SACM1L: variants seen among roughly 807,000 people sequenced by gnomAD.
The protein encoded by SACM1L is phosphatidylinositol-3-phosphatase SAC1.
In SACM1L, 32 loss-of-function variants were observed where a neutral mutation model predicts 89.5. That is an observed-to-expected ratio of 0.36 (90% CI 0.27 to 0.48). The LOEUF is 0.48. SACM1L is among the 20% of genes least tolerant of loss of function. SACM1L has a pLI of 0.99. For synonymous variants in SACM1L, 213 were observed against 232.8 expected, an observed-to-expected ratio of 0.92 and a Z score of 0.77; for missense variants, 543 against 708.5, an observed-to-expected ratio of 0.77 and a Z score of 2.65.
At chr3:45,697,087 A>G (rs745832791) in intron 1 of SACM1L, among the ~76,000 whole-genome samples, 8 of 151,978 alleles carry the variant, frequency 5.3e-5, no homozygotes, top group South Asian at 2.1e-4. Flanking sequence ...AGGGATTTGT[A>G]TACCCCTGTT....
intron 11 of SACM1L, among the ~76,000 whole-genome samples, chr3:45,727,236 G>T (rs1486252842): frequency 1.3e-5 from 2 of 152,090 alleles, no homozygotes; most frequent in Non-Finnish European, 2.9e-5. Flanking sequence ...TTTGTCTCAG[G>T]TATTTTCTAA....
rs565931238 is a variant in SACM1L at position 45,698,565 on chromosome 3, T to C, written c.33-4873T>C. ...TATACTTTGTTATAATACTTTTTTTTTTGAGACAAAGTCTCGCTCTTGTGC... is the reference window on the plus strand; with the variant it reads ...TATACTTTGTTATAATACTTTTTTTCTTGAGACAAAGTCTCGCTCTTGTGC... On this transcript the variant is annotated intron_variant, in intron 1 of 19. Transcript: ENST00000389061. 2.0e-5 allele frequency among the ~76,000 whole-genome samples: 3 copies of C among 152,360 alleles called. No individual in the cohort carries two copies. The South Asian group carries it at 6.2e-4, about 32-fold the overall frequency.
chr3:45,722,115 C>T lies in SACM1L; in HGVS notation c.765+30C>T, dbSNP rs371019445. On this transcript the variant is annotated intron_variant, in intron 9 of 19. Transcript: ENST00000389061. ...GTTGTTATGTCTGTTAGGCAGTCAG[C>T]GAGTTGGCCTTTTCTGCTTGGATTA... 1.0e-5 allele frequency: 14 copies of T among 1,346,270 alleles called. No homozygotes were observed. The African/African-American group carries it at 1.0e-4, about 10-fold the overall frequency. 83.4% of individuals were successfully genotyped at this position (1,346,270 alleles called of 1,614,324 possible).
chr3:45,714,223 C>T (rs973222152), intron 7 of SACM1L, 144 bp downstream of exon 7: 6 of 370,112 alleles, frequency 1.6e-5, no homozygotes, highest in African/African-American at 4.8e-5. Context: ...GAAAATCAAA[C>T]TCATTGCTAT....
In SACM1L at chr3:45,709,923, T is replaced by A. The variant is rs117856796; in HGVS notation, c.483+276T>A. 8.5e-5 allele frequency among the ~76,000 whole-genome samples: 13 copies of A among 152,336 alleles called. No homozygotes were observed. In the East Asian group the frequency reaches 2.3e-3, roughly 27 times the overall value. ...ATGTAAGTTATTAGAGGAAAATCTT[T>A]CAGAATTTGTATTTCTGCATAAGTA... On this transcript the variant is annotated intron_variant, in intron 5 of 19. Transcript: ENST00000389061.
At chr3:45,700,952 G>A (rs1038378836) in intron 1 of SACM1L, among the ~76,000 whole-genome samples, 4 of 152,220 alleles carry the variant, frequency 2.6e-5, no homozygotes, top group Non-Finnish European at 5.9e-5. Context: ...GATTACAGGC[G>A]TGAGCCACCG....
In SACM1L at chr3:45,743,662, T is replaced by C; in HGVS notation, c.1757T>C (p.Ile586Thr). ...DAPRLVQKEK[I>T]D is the part of the protein sequence containing the mutation. ...CCCAGACTGGTCCAGAAAGAAAAGA[T>C]AGACTGAATTTGTATTTGTGGAAAG... The change falls in exon 20 of 20, where the codon ATA becomes ACA. Residue 586 changes from isoleucine to threonine, a missense_variant. Coordinates refer to ENST00000389061, the MANE Select transcript of SACM1L (RefSeq NM_014016.5). The C allele has an allele frequency of 6.2e-7, 1 of 1,612,384 alleles. No individual in the cohort carries two copies. Among genetic ancestry groups the C allele is most frequent in the Non-Finnish European group, 8.5e-7 (1 of 1,179,422 alleles).
chr3:45,722,376 G>A (rs1197633544), intron 9 of SACM1L, among the ~76,000 whole-genome samples: 4 of 151,970 alleles, frequency 2.6e-5, no homozygotes, highest in African/African-American at 9.7e-5. Flanking sequence ...CATGTATTAA[G>A]GGCAGTGATG....
chr3:45,734,546 C>T (rs1699155708), intron 13 of SACM1L: 1 of 151,972 alleles, frequency 6.6e-6, no homozygotes, highest in Non-Finnish European at 1.5e-5. Flanking sequence ...AACCTTTAAC[C>T]CTTGAGCTCA....
intron 7 of SACM1L, among the ~76,000 whole-genome samples, chr3:45,717,983 G>T (rs1053311848): frequency 1.3e-5 from 2 of 152,216 alleles, no homozygotes. Context: ...AAGGTGAGAA[G>T]CCAAAGTAAT....
At chr3:45,722,131 G>T in intron 9 of SACM1L, 46 bp downstream of exon 9, 2 of 1,132,708 alleles carry the variant, frequency 1.8e-6, no homozygotes, top group Non-Finnish European at 2.6e-6. Context: ...GGCCTTTTCT[G>T]CTTGGATTAT....
Position 45,737,814 on chromosome 3 carries a change from G to GAAC in SACM1L, c.1353_1355dup (p.Thr452dup). The GAAC allele has an allele frequency of 6.2e-7, 1 of 1,614,128 alleles. No homozygotes were observed. The highest frequency in any genetic ancestry group is 8.5e-7 in the Non-Finnish European group (1 of 1,179,994). On this transcript the variant is annotated inframe_insertion, in exon 16 of 20. Coordinates refer to ENST00000389061, the MANE Select transcript of SACM1L (RefSeq NM_014016.5). ...AATGCTTGTGCCAAGCAATATGCGG[G>GAAC]AACTGGTGCCTTGAAGACTGACTTT...
intron 12 of SACM1L, 112 bp from the exon 13 acceptor site, chr3:45,731,941 A>G: frequency 1.6e-6 from 1 of 635,012 alleles, no homozygotes; most frequent in South Asian, 2.2e-5. Context: ...TAGTGTTCCC[A>G]AGAAATATGT....
rs180833648 is a variant in SACM1L, at chr3:45,723,041, G to A, written c.852+86G>A. 5.4e-5 allele frequency: 61 copies of A among 1,138,108 alleles called. No homozygotes were observed. The East Asian group carries it at 6.5e-4, about 12-fold the overall frequency. 70.5% of individuals were successfully genotyped at this position (1,138,108 alleles called of 1,614,324 possible). On this transcript the variant is annotated intron_variant, in intron 10 of 19. Transcript: ENST00000389061. ...TGCATGTAAAGAATGTATTTATTCC[G>A]CATAAATCAATGTTCAACATCTTTG...
At chr3:45,738,490 A>G (rs1449532423) in intron 16 of SACM1L, 88 bp from the exon 17 acceptor site, 4 of 737,712 alleles carry the variant, frequency 5.4e-6, no homozygotes, top group Non-Finnish European at 6.9e-6. Flanking sequence ...TCACTCACTT[A>G]TTTCTATACC....
At chr3:45,738,220 A>G (rs72884186) in intron 16 of SACM1L, among the ~76,000 whole-genome samples, 2,917 of 152,300 alleles carry the variant, frequency 0.019, 103 homozygotes, top group African/African-American at 0.065. Context: ...TGAATGTATT[A>G]TGCATGCAGT....
chr3:45,736,305 G>A (rs1024447821), intron 14 of SACM1L, among the ~76,000 whole-genome samples: 1 of 152,176 alleles, frequency 6.6e-6, no homozygotes, highest in Non-Finnish European at 1.5e-5. Context: ...ACTAGACTAT[G>A]CTGTTGAGAA....
chr3:45,723,847 C>CT (rs1698844815), intron 11 of SACM1L, among the ~76,000 whole-genome samples: 1 of 151,816 alleles, frequency 6.6e-6, no homozygotes, highest in Non-Finnish European at 1.5e-5. Flanking sequence ...CAATGTTTTT[C>CT]TTTTTTAATG....
intron 2 of SACM1L, 76 bp downstream of exon 2, chr3:45,703,611 CAG>C: frequency 2.1e-6 from 2 of 970,318 alleles, no homozygotes; most frequent in Non-Finnish European, 1.6e-6. Flanking sequence ...AAACATCACT[CAG>C]AGGTGTGTCA....
Sources: gnomAD v4.1 joint callset for allele counts (sites outside exome capture counted in the v4.1 genomes callset) on GRCh38, gnomAD v4.1.1 for gene constraint, MANE v1.5 for transcripts, NCBI Gene and HGNC (gene_info 2026-07-23, HGNC 2026-07-21) for gene names.